Variants in CSMD2 observed in about 807,000 individuals in gnomAD.
CSMD2 encodes the protein CUB and Sushi multiple domains 2.
In CSMD2, 130 loss-of-function variants were observed where a neutral mutation model predicts 398.5. The observed-to-expected ratio is 0.33, with a 90% CI of 0.28 to 0.38. The LOEUF (loss-of-function observed/expected upper bound fraction) is 0.38, where lower values mean the gene tolerates loss of function less well. CSMD2 is among the 10% of genes least tolerant of loss of function. The pLI is 1.00. For missense variants in CSMD2, 3,829 were observed against 4,764.9 expected, an observed-to-expected ratio of 0.80 and a Z score of 5.78; for synonymous variants, 1,828 against 1,908.5, an observed-to-expected ratio of 0.96 and a Z score of 1.10.
chr1:33,901,587 G>C (rs1642762206), intron 5 of CSMD2, among the ~76,000 whole-genome samples: 1 of 152,212 alleles, frequency 6.6e-6, no homozygotes, highest in Non-Finnish European at 1.5e-5. Flanking sequence ...AAAGGTTTCA[G>C]GAGGGAGACC....
intron 3 of CSMD2, among the ~76,000 whole-genome samples, chr1:33,998,043 T>G (rs572942496): frequency 6.6e-6 from 1 of 152,106 alleles, no homozygotes; most frequent in Non-Finnish European, 1.5e-5. Flanking sequence ...GTGGCAGTAT[T>G]GAGAGGTGTG....
At chr1:34,000,793 T>TAA (rs1368161611) in intron 3 of CSMD2, among the ~76,000 whole-genome samples, 1 of 152,146 alleles carries the variant, frequency 6.6e-6, no homozygotes, top group Non-Finnish European at 1.5e-5. Flanking sequence ...GCAGAGTTTT[T>TAA]AAAAAGGAAT....
At position 33,611,033 on chromosome 1, in the gene CSMD2, G is replaced by T. The variant is rs1189401008; in HGVS notation, c.6343+8C>A. 2 of 1,612,718 alleles carry T rather than the reference G, an allele frequency of 1.2e-6. No individual in the cohort carries two copies. The highest frequency in any genetic ancestry group is 1.3e-5 in the African/African-American group (1 of 75,024). ...CAGAGAAGCAAAGGCGGTGCTCCTT[G>T]TCCTTACCCTGATACTCCAGCTTGA... is the stretch of plus-strand genomic sequence containing the variant. On this transcript the variant is annotated splice_region_variant and intron_variant, in intron 41 of 70. Coordinates refer to ENST00000373381, the MANE Select transcript of CSMD2 (RefSeq NM_001281956.2).
At chr1:33,818,892 G>A (rs1401228620) in intron 9 of CSMD2, among the ~76,000 whole-genome samples, 6 of 152,182 alleles carry the variant, frequency 3.9e-5, no homozygotes, top group African/African-American at 1.4e-4. Context: ...ATATGCCAAA[G>A]AGAGGCAAAG....
intron 27 of CSMD2, 41 bp from the exon 28 acceptor site, chr1:33,652,502 C>T (rs747820596): frequency 1.2e-6 from 2 of 1,605,540 alleles, no homozygotes; most frequent in South Asian, 1.1e-5. Context: ...GCCTCTTCAC[C>T]CTGGGCTCAT....
At chr1:33,649,100 G>A (rs181979984) in intron 28 of CSMD2, among the ~76,000 whole-genome samples, 95 of 152,258 alleles carry the variant, frequency 6.2e-4, no homozygotes, top group Non-Finnish European at 1.1e-3. Flanking sequence ...GTATGCCTGT[G>A]CTCTGGTGCA....
intron 2 of CSMD2, 32 bp from the exon 3 acceptor site, chr1:34,032,738 G>T: frequency 6.8e-7 from 1 of 1,467,368 alleles, no homozygotes; most frequent in South Asian, 1.2e-5. Flanking sequence ...TAGGGAGAAT[G>T]ACCCCCTTGG....
intron 3 of CSMD2, among the ~76,000 whole-genome samples, chr1:33,939,663 A>T (rs10753296): frequency 6.6e-6 from 1 of 152,070 alleles, no homozygotes; most frequent in African/African-American, 2.4e-5. Flanking sequence ...CACTCTCAAA[A>T]GCTCACTGCT....
At chr1:33,935,996 T>C in intron 3 of CSMD2, 42 bp from the exon 4 acceptor site, 1 of 1,551,824 alleles carries the variant, frequency 6.4e-7, no homozygotes, top group Admixed American at 1.9e-5. Flanking sequence ...CCCCGTGAGC[T>C]GGGCTGGAGC....
chr1:33,903,556 A>T (rs1045788128), intron 5 of CSMD2, among the ~76,000 whole-genome samples: 2 of 152,216 alleles, frequency 1.3e-5, no homozygotes, highest in African/African-American at 4.8e-5. Flanking sequence ...CTTTGCAATT[A>T]GCCACAGGAC....
rs78815600 is a variant in CSMD2 at position 33,589,141 on chromosome 1, G to A, written c.6857-1973C>T. Among the ~76,000 whole-genome samples, 10 of 152,326 alleles carry A rather than the reference G, an allele frequency of 6.6e-5. No homozygotes were observed. The East Asian group carries it at 1.7e-3, about 26-fold the overall frequency. On this transcript the variant is annotated intron_variant, in intron 44 of 70. Transcript: ENST00000373381. ...GGTGTTAAAACTAAGAGGCACTCTT[G>A]AGGTAACCAAGTGGGTTTACCTTTG...
At chr1:33,556,354 T>C (rs761628558) in intron 55 of CSMD2, among the ~76,000 whole-genome samples, 2 of 152,148 alleles carry the variant, frequency 1.3e-5, no homozygotes, top group African/African-American at 2.4e-5. Flanking sequence ...TGAGCAGCTA[T>C]ACCAGGCTCC....
Position 34,029,192 on chromosome 1 carries a change from G to A in CSMD2, c.517+3402C>T, listed in dbSNP as rs141887202. ...AGTGGGGGCCTCTTCTTTGAAGCCT[G>A]TCTGTCATTCTCCCTGCTTGCCACC... On this transcript the variant is annotated intron_variant, in intron 3 of 70. Coordinates refer to ENST00000373381, the MANE Select transcript of CSMD2 (RefSeq NM_001281956.2). Among the ~76,000 whole-genome samples the A allele has an allele frequency of 2.2e-4, 33 of 152,288 alleles. 1 individual carries two copies. The East Asian group carries it at 6.2e-3, about 29-fold the overall frequency.
At chr1:34,083,855 A>G (rs149846131) in intron 2 of CSMD2, among the ~76,000 whole-genome samples, 1,787 of 152,174 alleles carry the variant, frequency 0.012, 30 homozygotes, top group African/African-American at 0.039. Context: ...GGAGACAGAG[A>G]TTGCAGTGAG....
At chr1:33,692,683 C>T (rs1252821555) in intron 25 of CSMD2, among the ~76,000 whole-genome samples, 1 of 152,194 alleles carries the variant, frequency 6.6e-6, no homozygotes, top group Non-Finnish European at 1.5e-5. Context: ...AATCCATGCC[C>T]TCGGCTACTC....
intron 1 of CSMD2, among the ~76,000 whole-genome samples, chr1:34,116,790 T>C (rs1661646301): frequency 6.6e-6 from 1 of 152,102 alleles, no homozygotes; most frequent in South Asian, 2.1e-4. Context: ...TCATACCAGT[T>C]ACATTTTCCA....
intron 55 of CSMD2, among the ~76,000 whole-genome samples, chr1:33,553,484 CT>C (rs1657659923): frequency 6.6e-6 from 1 of 152,154 alleles, no homozygotes; most frequent in Non-Finnish European, 1.5e-5. Flanking sequence ...TTGAGTGCCC[CT>C]ATTCCCTGAG....
chr1:33,620,333 T>C (rs1641688812), intron 37 of CSMD2, among the ~76,000 whole-genome samples: 1 of 152,186 alleles, frequency 6.6e-6, no homozygotes, highest in Admixed American at 6.5e-5. Context: ...TAGATTATCC[T>C]ACAAAATAAA....
chr1:34,156,486 G>C (rs1395220531), intron 1 of CSMD2, among the ~76,000 whole-genome samples: 1 of 152,092 alleles, frequency 6.6e-6, no homozygotes. Flanking sequence ...TCCCTTTACA[G>C]TTACATCCGT....
Sources: allele counts gnomAD v4.1 joint callset (sites outside exome capture counted in the v4.1 genomes callset), GRCh38; gene constraint gnomAD v4.1.1; transcripts MANE v1.5; gene names NCBI Gene and HGNC (gene_info 2026-07-23, HGNC 2026-07-21).